Variants in ABCB11 observed in about 807,000 individuals in gnomAD.
The protein encoded by ABCB11 is bile salt export pump.
In ABCB11, 95 loss-of-function variants were observed where a neutral mutation model predicts 148.0. The ratio of observed to expected loss-of-function variants is 0.64; its 90% CI spans 0.54 to 0.76. The LOEUF is 0.76. Among genes scored for constraint, ABCB11 ranks in the 30% least tolerant of loss-of-function variants. ABCB11 has a pLI of 0.00. For synonymous variants in ABCB11, 591 were observed against 555.4 expected (o/e 1.06, Z -0.90); for missense variants, 1,523 against 1,617.8 (o/e 0.94, Z 1.01).
intron 17 of ABCB11, among the ~76,000 whole-genome samples, chr2:168,966,425 G>A (rs1313983588): frequency 1.3e-5 from 2 of 151,764 alleles, no homozygotes; most frequent in South Asian, 2.1e-4. Flanking sequence ...TCTAGCCTAG[G>A]CTGTCATGAG....
chr2:168,990,727 G>T (rs1199328744), intron 9 of ABCB11, 74 bp downstream of exon 9: 1 of 1,587,638 alleles, frequency 6.3e-7, no homozygotes, highest in East Asian at 2.2e-5. Flanking sequence ...CTGCCGCTTT[G>T]CACAAACTGA....
intron 17 of ABCB11, among the ~76,000 whole-genome samples, chr2:168,965,273 A>G (rs1184023658): frequency 6.6e-6 from 1 of 151,762 alleles, no homozygotes; most frequent in Non-Finnish European, 1.5e-5. Flanking sequence ...AAGCATGGGA[A>G]GTGATTGGTT....
At chr2:168,930,024 G>C (rs184916214) in intron 25 of ABCB11, among the ~76,000 whole-genome samples, 1 of 151,864 alleles carries the variant, frequency 6.6e-6, no homozygotes, top group Non-Finnish European at 1.5e-5. Flanking sequence ...AAAGCAGGGG[G>C]GTGGCTTTTT....
intron 11 of ABCB11, among the ~76,000 whole-genome samples, chr2:168,977,169 A>G (rs1693947755): frequency 6.7e-6 from 1 of 149,258 alleles, no homozygotes; most frequent in South Asian, 2.1e-4. Flanking sequence ...ATATTATTAT[A>G]TATTATATAT....
intron 18 of ABCB11, among the ~76,000 whole-genome samples, chr2:168,963,226 T>C (rs954426043): frequency 6.6e-6 from 1 of 151,800 alleles, no homozygotes; most frequent in African/African-American, 2.4e-5. Context: ...GAAATTCATG[T>C]TTTCATTCTA....
At chr2:168,978,292 T>A (rs922619884) in intron 11 of ABCB11, among the ~76,000 whole-genome samples, 11 of 151,806 alleles carry the variant, frequency 7.2e-5, no homozygotes, top group African/African-American at 2.7e-4. Context: ...ACTATAGGCA[T>A]GTGCCACCAC....
Position 168,976,684 on chromosome 2 carries a change from G to A in ABCB11, c.1201C>T (p.Pro401Ser). Residue 401 changes from proline to serine, a missense_variant, in exon 12 of 28, where the codon CCC (proline) becomes TCC (serine). Coordinates refer to ENST00000650372, the MANE Select transcript of ABCB11 (RefSeq NM_003742.4). ...TCTTCTGACATGCAGTCAATGATGG[G>A]TTTCTGGAGTGAAATACAAAAGGGA... ...TSIFETIDRKPIIDCMSEDGY... is the reference protein window; with the variant it reads ...TSIFETIDRKSIIDCMSEDGY... The A allele has an allele frequency of 6.2e-7, 1 of 1,600,040 alleles. No individual in the cohort carries two copies. The highest frequency in any genetic ancestry group is 8.6e-7 in the Non-Finnish European group (1 of 1,168,020).
downstream of ABCB11, among the ~76,000 whole-genome samples, chr2:168,915,870 T>C (rs568150072): frequency 6.6e-6 from 1 of 152,182 alleles, no homozygotes; most frequent in South Asian, 2.1e-4. Context: ...GCCTCTGTAA[T>C]AGAGGAAAGC....
intron 19 of ABCB11, among the ~76,000 whole-genome samples, chr2:168,957,373 T>C (rs532737503): frequency 1.3e-5 from 2 of 151,730 alleles, no homozygotes; most frequent in Non-Finnish European, 3.0e-5. Context: ...TACATGTTCA[T>C]AGTTATTATG....
intron 21 of ABCB11, 42 bp from the exon 22 acceptor site, chr2:168,936,475 C>A: frequency 6.3e-7 from 1 of 1,594,002 alleles, no homozygotes. Context: ...GACACACAGT[C>A]GCTTTTACCA....
chr2:168,927,617 A>T (rs1691375038), intron 25 of ABCB11, among the ~76,000 whole-genome samples: 1 of 152,208 alleles, frequency 6.6e-6, no homozygotes, highest in Non-Finnish European at 1.5e-5. Flanking sequence ...CAGGTGGGGC[A>T]AACGAGAAAG....
At chr2:169,009,341 G>A (rs910796210) in intron 5 of ABCB11, among the ~76,000 whole-genome samples, 2 of 151,960 alleles carry the variant, frequency 1.3e-5, no homozygotes, top group Non-Finnish European at 2.9e-5. Context: ...ATGTCCAACA[G>A]TGATAGACTG....
intron 6 of ABCB11, among the ~76,000 whole-genome samples, chr2:168,995,827 T>A (rs1248327336): frequency 6.6e-6 from 1 of 151,918 alleles, no homozygotes; most frequent in African/African-American, 2.4e-5. Context: ...AAATAACTAT[T>A]TTTAATGCCA....
intron 19 of ABCB11, among the ~76,000 whole-genome samples, chr2:168,954,226 GTTTT>G (rs34477999): frequency 2.0e-5 from 3 of 150,472 alleles, no homozygotes; most frequent in African/African-American, 7.3e-5. Flanking sequence ...CTCTTTTTCT[GTTTT>G]TTTTGTCTTT....
chr2:168,970,341 A>C, intron 14 of ABCB11, 126 bp from the exon 15 acceptor site: 3 of 1,539,652 alleles, frequency 1.9e-6, no homozygotes, highest in Non-Finnish European at 1.7e-6. Flanking sequence ...TCCGACTTCC[A>C]CTGAAAGAAA....
chr2:168,938,304 GAATA>G (rs1308413949), intron 21 of ABCB11, among the ~76,000 whole-genome samples: 7 of 152,054 alleles, frequency 4.6e-5, no homozygotes, highest in African/African-American at 1.2e-4. Flanking sequence ...ACAGATGAAT[GAATA>G]AAGAAAACAT....
intron 21 of ABCB11, among the ~76,000 whole-genome samples, chr2:168,937,046 A>G (rs576946594): frequency 1.3e-5 from 2 of 151,848 alleles, no homozygotes; most frequent in East Asian, 3.9e-4. Context: ...ATGCCACTAC[A>G]CCTGCTAATT....
At chr2:169,028,133 G>A (rs986170948) in intron 1 of ABCB11, among the ~76,000 whole-genome samples, 2 of 151,876 alleles carry the variant, frequency 1.3e-5, no homozygotes, top group African/African-American at 4.8e-5. Flanking sequence ...TGCAGAAAAT[G>A]TCAATCCCTG....
Position 168,944,760 on chromosome 2 carries a change from C to G in ABCB11, c.2455G>C (p.Ala819Pro), listed in dbSNP as rs765892854. Reference sequence around the variant, plus strand: ...AGGAGCTCCCCAGATTTAGCAAAGGCATATCCCTAAAACATGAAGAGGGAG... The same window carrying G: ...AGGAGCTCCCCAGATTTAGCAAAGGGATATCCCTAAAACATGAAGAGGGAG... ...SLFTQFLQGY[A>P]FAKSGELLTK... Residue 819 changes from alanine to proline, a missense_variant, in exon 21 of 28, where the codon GCC (alanine) becomes CCC (proline). Ala to Pro is a conservative substitution (Grantham distance 27, BLOSUM62 -1). Coordinates refer to ENST00000650372, the MANE Select transcript of ABCB11 (RefSeq NM_003742.4). The G allele has an allele frequency of 6.2e-7, 1 of 1,612,402 alleles. No homozygotes were observed. The highest frequency in any genetic ancestry group is 8.5e-7 in the Non-Finnish European group (1 of 1,179,030).
Sources: allele counts gnomAD v4.1 joint callset (sites outside exome capture counted in the v4.1 genomes callset), GRCh38; gene constraint gnomAD v4.1.1; transcripts MANE v1.5; gene names NCBI Gene and HGNC (gene_info 2026-07-23, HGNC 2026-07-21).